The following ARFGEF1 variants were observed in gnomAD, a reference collection of about 807,000 sequenced individuals.
ARFGEF1 encodes brefeldin A-inhibited guanine nucleotide-exchange protein 1.
Under a neutral mutation model 231.0 loss-of-function variants are expected in ARFGEF1, and 42 were observed. The ratio of observed to expected loss-of-function variants is 0.18; its 90% CI spans 0.14 to 0.24. The LOEUF (loss-of-function observed/expected upper bound fraction) is 0.24, where lower values mean the gene tolerates loss of function less well. ARFGEF1 is among the 10% of genes least tolerant of loss of function. ARFGEF1 has a pLI of 1.00. For synonymous variants in ARFGEF1, 710 were observed against 732.3 expected, an observed-to-expected ratio of 0.97 and a Z score of 0.49; for missense variants, 1,345 against 2,192.0, an observed-to-expected ratio of 0.61 and a Z score of 7.72.
At chr8:67,326,219 A>C (rs1229968908) in intron 1 of ARFGEF1, among the ~76,000 whole-genome samples, 2 of 152,062 alleles carry the variant, frequency 1.3e-5, no homozygotes, top group Admixed American at 1.3e-4. Context: ...AAAGAAATAA[A>C]AGAAAAAGAA....
intron 23 of ARFGEF1, among the ~76,000 whole-genome samples, chr8:67,230,069 G>C (rs1839505706): frequency 6.6e-6 from 1 of 151,930 alleles, no homozygotes; most frequent in South Asian, 2.1e-4. Context: ...TCTGAGAAAG[G>C]GCATCCCAAT....
At chr8:67,337,691 C>A (rs1300789825) in intron 1 of ARFGEF1, among the ~76,000 whole-genome samples, 1 of 152,186 alleles carries the variant, frequency 6.6e-6, no homozygotes, top group East Asian at 1.9e-4. Flanking sequence ...CTAAATCCCC[C>A]ACTTATGTCA....
chr8:67,306,615 T>A (rs1319662785), intron 1 of ARFGEF1, among the ~76,000 whole-genome samples: 1 of 152,172 alleles, frequency 6.6e-6, no homozygotes, highest in Admixed American at 6.5e-5. Context: ...ATTCAACAAA[T>A]TCTATTATCT....
chr8:67,340,931 C>T (rs746139270), intron 1 of ARFGEF1, among the ~76,000 whole-genome samples: 1 of 152,154 alleles, frequency 6.6e-6, no homozygotes, highest in Non-Finnish European at 1.5e-5. Flanking sequence ...GCGCTATAGG[C>T]CCTCTAAAGA....
At position 67,201,500 on chromosome 8, in the gene ARFGEF1, C is replaced by T. The variant is rs148841369; in HGVS notation, c.5234G>A (p.Ser1745Asn). 4 of 1,611,468 alleles carry T rather than the reference C, an allele frequency of 2.5e-6. No individual in the cohort carries two copies. In the African/African-American group the frequency reaches 5.3e-5, roughly 22 times the overall value. Residue 1745 changes from serine to asparagine, a missense_variant, in exon 37 of 39, where the codon AGT (serine) becomes AAT (asparagine). By Grantham distance (46) the Ser-to-Asn change is conservative. Coordinates refer to ENST00000262215, the MANE Select transcript of ARFGEF1 (RefSeq NM_006421.5). The part of the protein sequence containing the change: ...FRMYMDESRV[S>N]AWEEVQQRLL... ...CCTCTGCTGGACCTCCTCCCAGGCA[C>T]TAACGCGGCTCTCATCCATGTACAT...
intron 32 of ARFGEF1, 87 bp downstream of exon 32, chr8:67,217,695 A>T: frequency 7.4e-7 from 1 of 1,356,378 alleles, no homozygotes; most frequent in Non-Finnish European, 1.0e-6. Flanking sequence ...AGAAATCAGT[A>T]GTCACTATCA....
At chr8:67,190,542 T>C in intron 5 of ARFGEF1, 4 of 770,352 alleles carry the variant, frequency 5.2e-6, no homozygotes, top group Non-Finnish European at 9.2e-6. Context: ...TTGAGTGTGT[T>C]TCATGGTATT....
intron 7 of ARFGEF1, among the ~76,000 whole-genome samples, chr8:67,279,114 T>A (rs1029902414): frequency 2.4e-4 from 37 of 152,016 alleles, no homozygotes; most frequent in South Asian, 4.2e-4. Context: ...AAATTTTTTT[T>A]AAAAAAAGAA....
chr8:67,234,658 A>G (rs910591825), intron 22 of ARFGEF1, among the ~76,000 whole-genome samples: 1 of 152,132 alleles, frequency 6.6e-6, no homozygotes, highest in Non-Finnish European at 1.5e-5. Context: ...GAATGTGAAG[A>G]GCCTTGACCC....
intron 1 of ARFGEF1, among the ~76,000 whole-genome samples, chr8:67,328,477 T>C (rs1255775363): frequency 2.0e-5 from 3 of 152,242 alleles, no homozygotes; most frequent in African/African-American, 2.4e-5. Context: ...TCTCTGATTA[T>C]TGTTTTGCCA....
At chr8:67,286,937 G>T (rs1173501753) in intron 7 of ARFGEF1, among the ~76,000 whole-genome samples, 1 of 152,082 alleles carries the variant, frequency 6.6e-6, no homozygotes, top group African/African-American at 2.4e-5. Flanking sequence ...GTAAATAAGT[G>T]CCTTTTTTCC....
downstream of ARFGEF1, chr8:67,193,538 T>TA: frequency 6.2e-7 from 1 of 1,613,504 alleles, no homozygotes; most frequent in Non-Finnish European, 8.5e-7. Flanking sequence ...TTGATGAGCT[T>TA]AGAGTGAGAA....
chr8:67,292,684 A>AC (rs1806061107), intron 5 of ARFGEF1, among the ~76,000 whole-genome samples: 1 of 152,134 alleles, frequency 6.6e-6, no homozygotes, highest in African/African-American at 2.4e-5. Flanking sequence ...CAAATGTCTG[A>AC]ATTTTATTTT....
chr8:67,292,511 G>A (rs997358245), intron 5 of ARFGEF1, among the ~76,000 whole-genome samples: 5 of 152,098 alleles, frequency 3.3e-5, no homozygotes, highest in African/African-American at 1.2e-4. Context: ...GAAAACAAGA[G>A]TGGGAGGCAA....
chr8:67,230,706 T>C (rs1315152417), intron 23 of ARFGEF1, among the ~76,000 whole-genome samples: 2 of 152,062 alleles, frequency 1.3e-5, no homozygotes, highest in Non-Finnish European at 2.9e-5. Context: ...TTTTTAGCTA[T>C]TAAAAATAAA....
At chr8:67,292,291 G>GT (rs750475618) in intron 5 of ARFGEF1, among the ~76,000 whole-genome samples, 168 bp from the exon 6 acceptor site, 9 of 152,124 alleles carry the variant, frequency 5.9e-5, no homozygotes, top group Non-Finnish European at 1.2e-4. Flanking sequence ...AATGAACAAT[G>GT]TTTACTTCTT....
At chr8:67,215,727 C>T (rs1247668105) in intron 33 of ARFGEF1, among the ~76,000 whole-genome samples, 1 of 152,070 alleles carries the variant, frequency 6.6e-6, no homozygotes, top group African/African-American at 2.4e-5. Context: ...GGGAATGTGG[C>T]CCTGCTAACT....
At chr8:67,230,581 G>C (rs1839521824) in intron 23 of ARFGEF1, among the ~76,000 whole-genome samples, 1 of 151,968 alleles carries the variant, frequency 6.6e-6, no homozygotes, top group Admixed American at 6.6e-5. Flanking sequence ...GGGATAAGCT[G>C]TATGTATTTT....
chr8:67,299,381 T>C, intron 3 of ARFGEF1, 26 bp from the exon 4 acceptor site: 2 of 1,593,600 alleles, frequency 1.3e-6, no homozygotes, highest in South Asian at 1.2e-5. Context: ...AAAACAAAGA[T>C]CCTAAGTAAG....
Sources: allele counts gnomAD v4.1 joint callset (sites outside exome capture counted in the v4.1 genomes callset), GRCh38; gene constraint gnomAD v4.1.1; transcripts MANE v1.5; gene names NCBI Gene and HGNC (gene_info 2026-07-23, HGNC 2026-07-21).